The following MREG variants were observed in gnomAD, a reference collection of about 807,000 sequenced individuals.
The protein encoded by MREG is dilute suppressor protein homolog.
A neutral mutation model predicts 28.5 loss-of-function variants in MREG; 31 were observed. That is an observed-to-expected ratio of 1.09 (90% CI 0.82 to 1.47). The LOEUF is 1.47. Among genes scored for constraint, MREG ranks in the 40% most tolerant of loss-of-function variants. MREG has a pLI of 0.00. For missense variants in MREG, 256 were observed against 257.4 expected (o/e 0.99, Z 0.04); for synonymous variants, 106 against 95.2 (o/e 1.11, Z -0.66).
downstream of MREG, chr2:215,939,591 A>G (rs1269510892): frequency 1.3e-5 from 2 of 152,244 alleles, no homozygotes; most frequent in Admixed American, 1.3e-4. Context: ...CAGATAAAAA[A>G]CAAATGGAGC....
chr2:216,013,425 GC>G lies in MREG; in HGVS notation c.-99del. Reference sequence around the variant, plus strand: ...GCGGCCACCGCGCCAGCGTCCAGGTGCGGGGACAGCGGCAGCCCGGGCGTCG... The same window carrying G: ...GCGGCCACCGCGCCAGCGTCCAGGTGGGGGACAGCGGCAGCCCGGGCGTCG... On this transcript the variant is annotated 5_prime_UTR_variant, in exon 1 of 5. Transcript: ENST00000263268. 1 of 780,338 alleles carries G rather than the reference GC, an allele frequency of 1.3e-6. No homozygotes were observed. The highest frequency in any genetic ancestry group is 1.7e-6 in the Non-Finnish European group (1 of 583,266). The allele number at this position is 780,338 out of a possible 1,614,324, so 48.3% of individuals were successfully genotyped here. A position where few individuals can be genotyped will look rare whatever the true frequency, so the allele number is the denominator to read the frequency against.
At chr2:215,994,795 G>A (rs1467699779) in intron 2 of MREG, among the ~76,000 whole-genome samples, 2 of 152,122 alleles carry the variant, frequency 1.3e-5, no homozygotes, top group African/African-American at 2.4e-5. Flanking sequence ...TGGGAAGAAA[G>A]GTGGGAGCTC....
At chr2:215,958,857 G>A (rs1430999148) in intron 2 of MREG, among the ~76,000 whole-genome samples, 1 of 152,118 alleles carries the variant, frequency 6.6e-6, no homozygotes, top group Non-Finnish European at 1.5e-5. Context: ...GGTTTCTATG[G>A]GAAAGGGAAA....
intron 2 of MREG, among the ~76,000 whole-genome samples, chr2:215,994,180 A>G (rs1693796672): frequency 6.6e-6 from 1 of 152,090 alleles, no homozygotes; most frequent in South Asian, 2.1e-4. Flanking sequence ...CATCAATGAT[A>G]GACTGCATAA....
intron 2 of MREG, among the ~76,000 whole-genome samples, chr2:215,954,451 C>A (rs1001026734): frequency 1.4e-5 from 2 of 147,684 alleles, no homozygotes; most frequent in African/African-American, 5.1e-5. Context: ...GTACAACACA[C>A]ACACACACAC....
chr2:215,954,840 A>T (rs1465090604), intron 2 of MREG, among the ~76,000 whole-genome samples: 3 of 151,996 alleles, frequency 2.0e-5, no homozygotes, highest in Non-Finnish European at 4.4e-5. Flanking sequence ...AGTAGCTGGG[A>T]TTACAGGCAC....
intron 1 of MREG, among the ~76,000 whole-genome samples, chr2:216,007,479 G>GAGTGCAGT (rs1189495649): frequency 6.6e-6 from 1 of 151,674 alleles, no homozygotes; most frequent in Non-Finnish European, 1.5e-5. Context: ...ACCCAGGCTG[G>GAGTGCAGT]AGTGCAGTAT....
At chr2:216,033,560 G>C (rs192019391), upstream of MREG, 1 of 152,480 alleles carries the variant, frequency 6.6e-6, no homozygotes, top group East Asian at 1.9e-4. Context: ...AGAAAGGTCA[G>C]TAACCTCAGC....
intron 1 of MREG, among the ~76,000 whole-genome samples, chr2:216,005,123 C>A (rs1181910098): frequency 2.6e-5 from 4 of 152,086 alleles, no homozygotes; most frequent in Non-Finnish European, 5.9e-5. Context: ...AAACTGGAAA[C>A]CACCCAAAAG....
chr2:215,998,086 C>T (rs1693916464), intron 1 of MREG, among the ~76,000 whole-genome samples: 1 of 152,084 alleles, frequency 6.6e-6, no homozygotes, highest in South Asian at 2.1e-4. Flanking sequence ...AGGTGGATCA[C>T]CTGAAGTCAG....
chr2:216,026,649 C>T (rs891327851), intron 1 of MREG, among the ~76,000 whole-genome samples: 5 of 152,134 alleles, frequency 3.3e-5, no homozygotes, highest in African/African-American at 4.8e-5. Context: ...GCTTGAGCCA[C>T]CACAACTGGC....
intron 2 of MREG, among the ~76,000 whole-genome samples, chr2:215,953,173 A>G (rs2105972217): frequency 6.6e-6 from 1 of 152,382 alleles, no homozygotes; most frequent in Middle Eastern, 3.4e-3. Flanking sequence ...TGCCACAAGT[A>G]ATATGATGTT....
At chr2:216,008,743 G>A (rs1487024143) in intron 1 of MREG, among the ~76,000 whole-genome samples, 1 of 152,202 alleles carries the variant, frequency 6.6e-6, no homozygotes, top group Admixed American at 6.5e-5. Flanking sequence ...ACCTTCGGGT[G>A]TGGGCCAAAT....
intron 2 of MREG, among the ~76,000 whole-genome samples, chr2:215,983,041 A>T (rs1048411135): frequency 1.3e-5 from 2 of 152,206 alleles, no homozygotes; most frequent in African/African-American, 4.8e-5. Context: ...AATAGTCACT[A>T]GCAAAGTAAA....
At chr2:216,024,236 C>T (rs1017466718) in intron 1 of MREG, among the ~76,000 whole-genome samples, 1 of 152,014 alleles carries the variant, frequency 6.6e-6, no homozygotes, top group Non-Finnish European at 1.5e-5. Context: ...CTATGTACCC[C>T]ATAAGAAGAC....
intron 2 of MREG, among the ~76,000 whole-genome samples, chr2:215,959,618 G>A (rs775672076): frequency 7.9e-5 from 12 of 152,102 alleles, no homozygotes; most frequent in South Asian, 2.1e-4. Context: ...GTTCCATACC[G>A]CTTACTGAAT....
chr2:216,002,043 T>C (rs1372064496), intron 1 of MREG, among the ~76,000 whole-genome samples: 1 of 152,144 alleles, frequency 6.6e-6, no homozygotes, highest in Non-Finnish European at 1.5e-5. Context: ...CCCTCCCCCA[T>C]ATCATGAGTT....
Position 216,013,403 on chromosome 2 carries a change from G to T in MREG, c.-76C>A, listed in dbSNP as rs1222268122. On this transcript the variant is annotated 5_prime_UTR_variant, in exon 1 of 5. Coordinates refer to ENST00000263268, the MANE Select transcript of MREG (RefSeq NM_018000.3). ...GGCGAGCGATCGAGGCTGGGGCGCGGCCACCGCGCCAGCGTCCAGGTGCGG... is the reference window on the plus strand; with the variant it reads ...GGCGAGCGATCGAGGCTGGGGCGCGTCCACCGCGCCAGCGTCCAGGTGCGG... The T allele has an allele frequency of 5.5e-6, 6 of 1,094,164 alleles. No individual in the cohort carries two copies. The highest frequency in any genetic ancestry group is 8.4e-5 in the Admixed American group (2 of 23,802). 67.8% of individuals were successfully genotyped at this position (1,094,164 alleles called of 1,614,324 possible).
intron 1 of MREG, among the ~76,000 whole-genome samples, chr2:216,026,118 C>T (rs750146477): frequency 7.9e-5 from 12 of 152,126 alleles, no homozygotes; most frequent in Non-Finnish European, 1.6e-4. Flanking sequence ...CAAAAGGTCA[C>T]ACATTATATG....
Sources: allele counts gnomAD v4.1 joint callset (sites outside exome capture counted in the v4.1 genomes callset), GRCh38; gene constraint gnomAD v4.1.1; transcripts MANE v1.5; gene names NCBI Gene and HGNC (gene_info 2026-07-23, HGNC 2026-07-21).